Variants in AS3MT observed in about 807,000 individuals in gnomAD.
AS3MT encodes the protein arsenite methyltransferase, also known as S-adenosyl-L-methionine:arsenic(III) methyltransferase.
In AS3MT, 47 loss-of-function variants were observed where a neutral mutation model predicts 45.3. The observed-to-expected ratio is 1.04, with a 90% CI of 0.82 to 1.32. The LOEUF is 1.32. Among genes scored for constraint, AS3MT ranks in the 40% most tolerant of loss-of-function variants. The pLI is 0.00. For synonymous variants in AS3MT, 141 were observed against 152.8 expected (o/e 0.92, Z 0.57); for missense variants, 396 against 451.1 (o/e 0.88, Z 1.11).
intron 8 of AS3MT, 117 bp downstream of exon 8, chr10:102,878,627 A>G: frequency 7.0e-7 from 1 of 1,427,142 alleles, no homozygotes; most frequent in Non-Finnish European, 9.5e-7. Flanking sequence ...GTTATCTGGA[A>G]ATAGCTATCT....
At chr10:102,893,839 G>A (rs1474870188) in intron 10 of AS3MT, among the ~76,000 whole-genome samples, 2 of 151,734 alleles carry the variant, frequency 1.3e-5, no homozygotes, top group Non-Finnish European at 2.9e-5. Flanking sequence ...TCACCATGTT[G>A]GTCAGGCTGG....
At chr10:102,891,198 T>G (rs1026583495) in intron 10 of AS3MT, among the ~76,000 whole-genome samples, 5 of 152,288 alleles carry the variant, frequency 3.3e-5, no homozygotes, top group African/African-American at 1.2e-4. Context: ...TTGGGAGACT[T>G]CCTTTCCCTG....
intron 3 of AS3MT, 72 bp from the exon 4 acceptor site, chr10:102,872,376 A>C (rs1844706310): frequency 6.8e-7 from 1 of 1,474,658 alleles, no homozygotes; most frequent in Admixed American, 1.9e-5. Flanking sequence ...GGAGGAGGGA[A>C]GTATGTATAA....
Position 102,878,836 on chromosome 10 carries a change from A to G in AS3MT, c.743-13A>G. 6.2e-7 allele frequency: 1 copy of G among 1,610,326 alleles called. No individual in the cohort carries two copies. The highest frequency in any genetic ancestry group is 1.7e-5 in the Admixed American group (1 of 59,186). Reference sequence around the variant, plus strand: ...AGTGCTGGAGATGAACCGTGAATAAATTCTATTTTTAGGTGACTGTCGTTT... The same window carrying G: ...AGTGCTGGAGATGAACCGTGAATAAGTTCTATTTTTAGGTGACTGTCGTTT... On this transcript the variant is annotated splice_polypyrimidine_tract_variant and intron_variant, in intron 8 of 10. Transcript: ENST00000369880.
intron 10 of AS3MT, among the ~76,000 whole-genome samples, chr10:102,897,713 G>A (rs987605764): frequency 4.6e-5 from 7 of 152,170 alleles, no homozygotes; most frequent in South Asian, 2.1e-4. Flanking sequence ...CAATCCGCCC[G>A]CCTCGGCCTC....
intron 8 of AS3MT, 64 bp from the exon 9 acceptor site, chr10:102,878,785 C>A: frequency 6.4e-7 from 1 of 1,566,182 alleles, no homozygotes; most frequent in South Asian, 1.2e-5. Flanking sequence ...TGCTCCTTGT[C>A]TGCTGAGCAA....
intron 7 of AS3MT, among the ~76,000 whole-genome samples, chr10:102,877,951 C>T (rs755774880): frequency 7.9e-5 from 12 of 152,026 alleles, no homozygotes; most frequent in Non-Finnish European, 1.6e-4. Context: ...TGGGGTTTCA[C>T]TGTGTTGGCC....
intron 7 of AS3MT, 143 bp from the exon 8 acceptor site, chr10:102,878,236 G>C (rs1844818437): frequency 3.3e-6 from 4 of 1,201,730 alleles, no homozygotes; most frequent in Non-Finnish European, 4.6e-6. Flanking sequence ...AGACCTTGGA[G>C]GGATGCTCAA....
intron 9 of AS3MT, among the ~76,000 whole-genome samples, chr10:102,882,622 C>G (rs1844882253): frequency 6.6e-6 from 1 of 152,024 alleles, no homozygotes; most frequent in East Asian, 1.9e-4. Context: ...TGGAGTCTTG[C>G]TCTGTTGCCT....
chr10:102,894,715 T>C (rs1422099665), intron 10 of AS3MT, among the ~76,000 whole-genome samples: 1 of 152,208 alleles, frequency 6.6e-6, no homozygotes, highest in Admixed American at 6.5e-5. Context: ...GCCTGCTGCC[T>C]AGAGGCTTCA....
rs1393591820 is a variant in AS3MT, at chr10:102,896,038, A to AGTGCTGGGATTACAGGCAT, written c.1021-4553_1021-4535dup. ...TAATCCACCTGCCTTGGCCTCCCAA[A>AGTGCTGGGATTACAGGCAT]GTGCTGGGATTACAGGCATGAGCCA... On this transcript the variant is annotated intron_variant, in intron 10 of 10. Coordinates refer to ENST00000369880, the MANE Select transcript of AS3MT (RefSeq NM_020682.4). Among the ~76,000 whole-genome samples, 17 of 151,840 alleles carry AGTGCTGGGATTACAGGCAT rather than the reference A, an allele frequency of 1.1e-4. No homozygotes were observed. In the East Asian group the frequency reaches 2.0e-3, roughly 18 times the overall value.
At chr10:102,889,994 C>CTTTTTTTTTTTTT in intron 9 of AS3MT, among the ~76,000 whole-genome samples, 1 of 126,296 alleles carries the variant, frequency 7.9e-6, no homozygotes, top group Non-Finnish European at 1.6e-5. Flanking sequence ...ATTTTCTTTT[C>CTTTTTTTTTTTTT]TTTTTTTTTT....
intron 10 of AS3MT, among the ~76,000 whole-genome samples, chr10:102,893,976 A>G (rs1489413055): frequency 6.6e-6 from 1 of 152,090 alleles, no homozygotes; most frequent in Non-Finnish European, 1.5e-5. Flanking sequence ...TTTGGCTCTA[A>G]GCCCCTTGAC....
At chr10:102,880,683 C>T (rs1221509171) in intron 9 of AS3MT, among the ~76,000 whole-genome samples, 2 of 152,174 alleles carry the variant, frequency 1.3e-5, no homozygotes, top group East Asian at 3.9e-4. Context: ...GTGCTCATTA[C>T]AGAATCAAAC....
At chr10:102,873,014 T>C in intron 4 of AS3MT, 83 bp from the exon 5 acceptor site, 1 of 1,164,212 alleles carries the variant, frequency 8.6e-7, no homozygotes, top group South Asian at 1.6e-5. Flanking sequence ...GGGAAGTATA[T>C]TCTGTTAGTG....
Position 102,869,835 on chromosome 10 carries a change from A to G in AS3MT, c.32A>G (p.Lys11Arg). The change falls in exon 2 of 11, where the codon AAG (lysine) becomes AGG (arginine). Residue 11 changes from lysine to arginine, a missense_variant. Lys to Arg is a conservative substitution (Grantham distance 26). Coordinates refer to ENST00000369880, the MANE Select transcript of AS3MT (RefSeq NM_020682.4). MAALRDAEIQ[K>R]DVQTYYGQVL... ...GCACTTCGTGACGCTGAGATACAGA[A>G]GGACGTGCAGGTGAGAGCTGTAGGG... 6.2e-7 allele frequency: 1 copy of G among 1,614,018 alleles called. No homozygotes were observed. The highest frequency in any genetic ancestry group is 1.1e-5 in the South Asian group (1 of 91,088).
At chr10:102,893,598 C>T (rs940711759) in intron 10 of AS3MT, among the ~76,000 whole-genome samples, 2 of 146,688 alleles carry the variant, frequency 1.4e-5, no homozygotes, top group Non-Finnish European at 3.0e-5. Context: ...CAAGTTCAAG[C>T]GATTCTTCTG....
In AS3MT at chr10:102,888,851, CTATATATATA is replaced by C. The variant is rs553598133; in HGVS notation, c.886-1671_886-1662del. Among the ~76,000 whole-genome samples the C allele has an allele frequency of 7.0e-3, 639 of 91,598 alleles. 11 individuals carry two copies. The highest frequency in any genetic ancestry group is 0.016 in the South Asian group (45 of 2,828). The allele number at this position is 91,598 out of a possible 152,430, so 60.1% of individuals were successfully genotyped here. ...TAGGTCTTATTTCTTTCATCAAACC[CTATATATATA>C]TATATATATATATATATATATTTTT... On this transcript the variant is annotated intron_variant, in intron 9 of 10. Coordinates refer to ENST00000369880, the MANE Select transcript of AS3MT (RefSeq NM_020682.4).
At chr10:102,884,024 G>GCT (rs894395406) in intron 9 of AS3MT, among the ~76,000 whole-genome samples, 1 of 146,274 alleles carries the variant, frequency 6.8e-6, no homozygotes, top group African/African-American at 2.5e-5. Flanking sequence ...TGTCGCCCAG[G>GCT]CTGGAGTGCA....
Sources: allele counts gnomAD v4.1 joint callset (sites outside exome capture counted in the v4.1 genomes callset), GRCh38; gene constraint gnomAD v4.1.1; transcripts MANE v1.5; gene names NCBI Gene and HGNC (gene_info 2026-07-23, HGNC 2026-07-21).